ADAMTSL1: variants seen among roughly 807,000 people sequenced by gnomAD.
ADAMTSL1 encodes the protein ADAMTS like 1.
ADAMTSL1 carries 126 observed loss-of-function variants against 201.8 expected under a neutral mutation model. That is an observed-to-expected ratio of 0.62 (90% CI 0.54 to 0.72). The LOEUF (loss-of-function observed/expected upper bound fraction) is 0.72. Among genes scored for constraint, ADAMTSL1 ranks in the 30% least tolerant of loss-of-function variants. ADAMTSL1 has a pLI of 0.00. For missense variants in ADAMTSL1, 2,679 were observed against 2,277.8 expected, an observed-to-expected ratio of 1.18 and a Z score of -3.59; for synonymous variants, 1,121 against 903.4, an observed-to-expected ratio of 1.24 and a Z score of -4.32.
chr9:18,530,401 G>A (rs1357448087), intron 2 of ADAMTSL1, among the ~76,000 whole-genome samples: 1 of 152,000 alleles, frequency 6.6e-6, no homozygotes, highest in East Asian at 1.9e-4. Context: ...TAACACCAGG[G>A]TTTACCTTTT....
intron 1 of ADAMTSL1, among the ~76,000 whole-genome samples, chr9:17,922,260 A>G (rs1463745220): frequency 6.6e-6 from 1 of 152,092 alleles, no homozygotes; most frequent in East Asian, 1.9e-4. Flanking sequence ...CGTGCTACAT[A>G]TTTCTTTTCA....
intron 4 of ADAMTSL1, among the ~76,000 whole-genome samples, chr9:18,606,245 A>T (rs1825005768): frequency 6.6e-6 from 1 of 152,226 alleles, no homozygotes; most frequent in Admixed American, 6.5e-5. Flanking sequence ...CAAGCATTGA[A>T]AATAAATTTT....
chr9:18,227,345 T>C (rs183703229), intron 2 of ADAMTSL1, among the ~76,000 whole-genome samples: 2 of 152,300 alleles, frequency 1.3e-5, no homozygotes, highest in South Asian at 2.1e-4. Flanking sequence ...ATTCTCATCT[T>C]AGTGGGAGTG....
chr9:18,178,425 T>A (rs1187381284), intron 2 of ADAMTSL1, among the ~76,000 whole-genome samples: 1 of 152,106 alleles, frequency 6.6e-6, no homozygotes, highest in African/African-American at 2.4e-5. Context: ...GAGATCAAAC[T>A]GCAAGGCAGC....
At chr9:18,512,245 T>C in intron 2 of ADAMTSL1, among the ~76,000 whole-genome samples, 1 of 152,168 alleles carries the variant, frequency 6.6e-6, no homozygotes, top group East Asian at 1.9e-4. Flanking sequence ...GGGTGTATTG[T>C]TCCAAGATCT....
chr9:18,319,553 AC>A (rs1057349460), intron 2 of ADAMTSL1, among the ~76,000 whole-genome samples: 2 of 152,182 alleles, frequency 1.3e-5, no homozygotes, highest in Non-Finnish European at 2.9e-5. Context: ...CTCAAAAGAT[AC>A]AAAAAATAAA....
intron 1 of ADAMTSL1, among the ~76,000 whole-genome samples, chr9:18,161,019 A>C (rs2132082364): frequency 6.6e-6 from 1 of 151,896 alleles, no homozygotes; most frequent in African/African-American, 2.4e-5. Flanking sequence ...TTTAGTTCAG[A>C]ATTTTTGCCT....
intron 17 of ADAMTSL1, among the ~76,000 whole-genome samples, chr9:18,772,968 C>T (rs1423258462): frequency 6.6e-6 from 1 of 152,158 alleles, no homozygotes; most frequent in East Asian, 1.9e-4. Context: ...GGGAAGTAAT[C>T]ACTGAATTGT....
intron 1 of ADAMTSL1, among the ~76,000 whole-genome samples, chr9:18,048,292 T>C (rs548043861): frequency 6.6e-6 from 1 of 152,336 alleles, no homozygotes; most frequent in African/African-American, 2.4e-5. Flanking sequence ...TTCCTTTATA[T>C]GAAATGCGTG....
intron 20 of ADAMTSL1, among the ~76,000 whole-genome samples, chr9:18,800,613 G>A (rs749344999): frequency 6.6e-6 from 1 of 152,046 alleles, no homozygotes; most frequent in Non-Finnish European, 1.5e-5. Context: ...GAGTATAGCA[G>A]GAGAATCTCA....
At chr9:18,207,678 T>A (rs897233242) in intron 2 of ADAMTSL1, among the ~76,000 whole-genome samples, 1 of 152,186 alleles carries the variant, frequency 6.6e-6, no homozygotes, top group Admixed American at 6.5e-5. Flanking sequence ...GCGGTTCATA[T>A]GTTAACTTTC....
chr9:18,418,363 A>T (rs1818784206), intron 2 of ADAMTSL1, among the ~76,000 whole-genome samples: 1 of 152,168 alleles, frequency 6.6e-6, no homozygotes, highest in Non-Finnish European at 1.5e-5. Context: ...AGTCCTAGCC[A>T]ATGCAGTAAG....
At chr9:18,907,845 C>CGTATCATTAA in intron 28 of ADAMTSL1, 1 of 161,406 alleles carries the variant, frequency 6.2e-6, no homozygotes. Context: ...TAGTCTGTGC[C>CGTATCATTAA]AACACTGAAC....
At chr9:18,116,100 G>C (rs1367707159) in intron 1 of ADAMTSL1, among the ~76,000 whole-genome samples, 1 of 152,158 alleles carries the variant, frequency 6.6e-6, no homozygotes, top group African/African-American at 2.4e-5. Context: ...TTGATGGTGT[G>C]ATATTGCTTC....
intron 2 of ADAMTSL1, among the ~76,000 whole-genome samples, chr9:18,505,629 C>T (rs1823082173): frequency 6.6e-6 from 1 of 152,166 alleles, no homozygotes; most frequent in Non-Finnish European, 1.5e-5. Flanking sequence ...CCTTCTTGAG[C>T]TGTGTGGTCT....
chr9:18,436,752 C>T (rs1485176087), intron 2 of ADAMTSL1, among the ~76,000 whole-genome samples: 2 of 152,104 alleles, frequency 1.3e-5, no homozygotes, highest in Admixed American at 6.6e-5. Context: ...TTTCCAGAAC[C>T]ACATCATTTT....
At chr9:18,180,781 A>G (rs1364618346) in intron 2 of ADAMTSL1, among the ~76,000 whole-genome samples, 1 of 152,170 alleles carries the variant, frequency 6.6e-6, no homozygotes, top group African/African-American at 2.4e-5. Flanking sequence ...ATTGGAAAAA[A>G]CTACTTTAAA....
chr9:18,331,637 T>G lies in ADAMTSL1; in HGVS notation c.207+167656T>G, dbSNP rs186923382. Among the ~76,000 whole-genome samples the G allele has an allele frequency of 4.1e-4, 63 of 152,008 alleles. No homozygotes were observed. In the East Asian group the frequency reaches 0.011, roughly 26 times the overall value. On this transcript the variant is annotated intron_variant, in intron 2 of 29. Coordinates refer to the ADAMTSL1 transcript ENST00000680146. ...GAGGTTGAACTATCCATTAGAGCAATTCTAGGAAAAACAAAAACAAAAACA... is the reference window on the plus strand; with the variant it reads ...GAGGTTGAACTATCCATTAGAGCAAGTCTAGGAAAAACAAAAACAAAAACA...
At chr9:18,908,296 A>C in intron 28 of ADAMTSL1, 146 bp from the exon 29 acceptor site, 1 of 690,092 alleles carries the variant, frequency 1.4e-6, no homozygotes, top group South Asian at 1.7e-5. Flanking sequence ...TGTCAAAGTT[A>C]GGCTGGAGAG....
Sources: gnomAD v4.1 joint callset for allele counts (sites outside exome capture counted in the v4.1 genomes callset) on GRCh38, gnomAD v4.1.1 for gene constraint, MANE v1.5 for transcripts, NCBI Gene and HGNC (gene_info 2026-07-23, HGNC 2026-07-21) for gene names.